The following MYOM2 variants were observed in gnomAD, a reference collection of about 807,000 sequenced individuals.
MYOM2 encodes myomesin-2.
A neutral mutation model predicts 187.6 loss-of-function variants in MYOM2; 254 were observed. That is an observed-to-expected ratio of 1.35 (90% CI 1.22 to 1.50). MYOM2 has a LOEUF of 1.50. Among genes scored for constraint, MYOM2 ranks in the 40% most tolerant of loss-of-function variants. The pLI is 0.00. For missense variants in MYOM2, 2,796 were observed against 1,924.0 expected (o/e 1.45, Z -8.48); for synonymous variants, 981 against 753.8 (o/e 1.30, Z -4.94).
At position 2,069,364 on chromosome 8, in the gene MYOM2, G is replaced by A. The variant is rs767506344; in HGVS notation, c.740G>A (p.Arg247Lys). 6.2e-7 allele frequency: 1 copy of A among 1,614,032 alleles called. No individual in the cohort carries two copies. The highest frequency in any genetic ancestry group is 2.2e-5 in the East Asian group (1 of 44,878). Residue 247 changes from arginine to lysine, a missense_variant and splice_region_variant, in exon 7 of 37, where the codon AGA becomes AAA. Physicochemically the swap from Arg to Lys is conservative, Grantham distance 26. Transcript: ENST00000262113. ...TCCACCAACGCGGCGGTGGTGGTGA[G>A]AAGTGAGTGCCGGGTGGGCTTTCAC... ...QVSTNAAVVV[R>K]RFRGDEEPFR...
In MYOM2 at chr8:2,084,337, C is replaced by T. The variant is rs541243902; in HGVS notation, c.1517-926C>T. The stretch of plus-strand genomic sequence containing the variant: ...GCGCTGTGCAACAGGGCTCAGGAAA[C>T]GAAACCCAGTCTTGCTTTGTACTAT... On this transcript the variant is annotated intron_variant, in intron 13 of 36. Transcript: ENST00000262113. Among the ~76,000 whole-genome samples, 35 of 152,312 alleles carry T rather than the reference C, an allele frequency of 2.3e-4. No homozygotes were observed. The South Asian group carries it at 2.5e-3, about 11-fold the overall frequency.
chr8:2,083,936 C>A (rs1819722054), intron 13 of MYOM2, among the ~76,000 whole-genome samples: 1 of 152,220 alleles, frequency 6.6e-6, no homozygotes. Context: ...GCAAAGGCAG[C>A]AAGACAGTTC....
chr8:2,112,006 G>A lies in MYOM2; in HGVS notation c.3180+2475G>A, dbSNP rs146702203. On this transcript the variant is annotated intron_variant, in intron 25 of 36. Transcript: ENST00000262113. ...GGAGTGGAGCAGACTTTATTCACAC[G>A]TAAACCCTGAATGTCAGATTCGATG... Among the ~76,000 whole-genome samples the A allele has an allele frequency of 1.6e-3, 238 of 152,268 alleles. 3 individuals are homozygous for A. The highest frequency in any genetic ancestry group is 5.5e-3 in the African/African-American group (227 of 41,550).
At chr8:2,052,068 G>C in intron 2 of MYOM2, 90 bp from the exon 3 acceptor site, 1 of 1,532,046 alleles carries the variant, frequency 6.5e-7, no homozygotes, top group Non-Finnish European at 9.0e-7. Context: ...CAGTGGTTTG[G>C]GGTGTGTAGA....
intron 14 of MYOM2, among the ~76,000 whole-genome samples, chr8:2,087,907 T>G (rs1204145236): frequency 6.6e-6 from 1 of 152,168 alleles, no homozygotes; most frequent in Admixed American, 6.5e-5. Context: ...GACACTTTAG[T>G]GTGTTTACAG....
intron 25 of MYOM2, among the ~76,000 whole-genome samples, chr8:2,112,875 G>T (rs1797113088): frequency 6.6e-6 from 1 of 152,236 alleles, no homozygotes; most frequent in Non-Finnish European, 1.5e-5. Context: ...CAAGGGCTGT[G>T]AGAGGAGTGT....
Position 2,092,372 on chromosome 8 carries a change from C to T in MYOM2, c.1855C>T (p.Leu619Phe). The T allele has an allele frequency of 6.2e-7, 1 of 1,614,128 alleles. No homozygotes were observed. The highest frequency in any genetic ancestry group is 1.1e-5 in the South Asian group (1 of 91,088). Residue 619 changes from leucine to phenylalanine, a missense_variant, in exon 16 of 37, where the codon CTT (leucine) becomes TTT (phenylalanine). By Grantham distance (22) the Leu-to-Phe change is conservative. Coordinates refer to ENST00000262113, the MANE Select transcript of MYOM2 (RefSeq NM_003970.4). ...TGTCCCTTCTGCTCCGGGTCGGGTT[C>T]TTGCTTCCCGAAACACCAAGACGTC... is the stretch of plus-strand genomic sequence containing the variant. ...TVVPSAPGRV[L>F]ASRNTKTSVV...
intron 9 of MYOM2, 107 bp from the exon 10 acceptor site, chr8:2,073,232 A>C: frequency 1.6e-6 from 2 of 1,263,208 alleles, no homozygotes; most frequent in Non-Finnish European, 2.2e-6. Flanking sequence ...CGTGGTGTCC[A>C]GCTCGACTGT....
chr8:2,056,011 G>A lies in MYOM2; in HGVS notation c.264-1337G>A, dbSNP rs1818652259. 2.0e-5 allele frequency among the ~76,000 whole-genome samples: 3 copies of A among 152,278 alleles called. No individual in the cohort carries two copies. In the South Asian group the frequency reaches 6.2e-4, roughly 32 times the overall value. ...TGCAGCTTCCTGTCCCTGCCACTCGGGAACGAACCTCCCCCAGCCTAACTT... is the reference window on the plus strand; with the variant it reads ...TGCAGCTTCCTGTCCCTGCCACTCGAGAACGAACCTCCCCCAGCCTAACTT... On this transcript the variant is annotated intron_variant, in intron 3 of 36. Transcript: ENST00000262113.
chr8:2,068,769 G>A (rs759363888), intron 6 of MYOM2, among the ~76,000 whole-genome samples: 4 of 152,250 alleles, frequency 2.6e-5, no homozygotes, highest in Admixed American at 6.5e-5. Context: ...GGACCCCCCC[G>A]CCATGGTTCA....
At chr8:2,052,049 T>C in intron 2 of MYOM2, 109 bp from the exon 3 acceptor site, 5 of 1,365,894 alleles carry the variant, frequency 3.7e-6, no homozygotes, top group Non-Finnish European at 5.1e-6. Context: ...GTGTGTGCTC[T>C]GCATATACCA....
At chr8:2,120,670 A>ATC (rs1369999962) in intron 28 of MYOM2, among the ~76,000 whole-genome samples, 1 of 18,656 alleles carries the variant, frequency 5.4e-5, no homozygotes. Context: ...ATATATATAT[A>ATC]TATATTATAT....
chr8:2,051,090 C>T (rs1048019266), intron 2 of MYOM2, among the ~76,000 whole-genome samples: 23 of 152,116 alleles, frequency 1.5e-4, no homozygotes, highest in African/African-American at 5.6e-4. Context: ...GAGTTCAGCT[C>T]CTGATCGAGG....
chr8:2,114,109 A>G (rs1420616747), intron 25 of MYOM2, among the ~76,000 whole-genome samples: 1 of 152,218 alleles, frequency 6.6e-6, no homozygotes, highest in Non-Finnish European at 1.5e-5. Flanking sequence ...GCCAGTCACA[A>G]GGGCTGCATT....
At position 2,144,924 on chromosome 8, in the gene MYOM2, G is replaced by C; in HGVS notation, c.4341G>C (p.Pro1447=). ...GGGAGAAGATCCCGGACATGGCCCCGCCCCAGCAAGCCAAGCCCAAGCTCA... is the reference window on the plus strand; with the variant it reads ...GGGAGAAGATCCCGGACATGGCCCCCCCCCAGCAAGCCAAGCCCAAGCTCA... ...KHGEKIPDMA[P]PQQAKPKLIP... Residue 1447 remains proline, a synonymous_variant, in exon 37 of 37, where the codon CCG becomes CCC. Coordinates refer to ENST00000262113, the MANE Select transcript of MYOM2 (RefSeq NM_003970.4). The C allele has an allele frequency of 6.2e-7, 1 of 1,614,090 alleles. No homozygotes were observed. The highest frequency in any genetic ancestry group is 8.5e-7 in the Non-Finnish European group (1 of 1,180,034).
rs375622113 is a variant in MYOM2 at position 2,111,480 on chromosome 8, G to C, written c.3180+1949G>C. ...TTTTTCTTACTCAGAGCCAGTTAAAGTAAGTTCCTATCATTCATTCTCTAC... is the reference window on the plus strand; with the variant it reads ...TTTTTCTTACTCAGAGCCAGTTAAACTAAGTTCCTATCATTCATTCTCTAC... On this transcript the variant is annotated intron_variant, in intron 25 of 36. Transcript: ENST00000262113. 4.6e-5 allele frequency among the ~76,000 whole-genome samples: 7 copies of C among 152,326 alleles called. No individual in the cohort carries two copies. In the East Asian group the frequency reaches 1.3e-3, roughly 29 times the overall value.
intron 19 of MYOM2, among the ~76,000 whole-genome samples, chr8:2,100,009 TTCC>T (rs1175246085): frequency 9.1e-6 from 1 of 110,434 alleles, no homozygotes; most frequent in African/African-American, 2.8e-5. Flanking sequence ...CCTTCCTTCC[TTCC>T]TTTCTTTCCT....
intron 28 of MYOM2, chr8:2,118,928 T>C (rs1797334936): frequency 6.6e-6 from 1 of 152,092 alleles, no homozygotes; most frequent in African/African-American, 2.4e-5. Flanking sequence ...AGGATACACA[T>C]CCAGCAGTTA....
rs149796743 is a variant in MYOM2 at position 2,123,617 on chromosome 8, G to A, written c.3630G>A (p.Val1210=). The change falls in exon 30 of 37, where the codon GTG becomes GTA. Residue 1210 remains valine (V), a synonymous_variant. Coordinates refer to ENST00000262113, the MANE Select transcript of MYOM2 (RefSeq NM_003970.4). ...ATLKDDRGQD[V]SILEIAGKVY... is the part of the protein sequence containing the mutation. ...TGAAAGATGACAGAGGCCAAGATGT[G>A]TCCATCCTTGAAATAGCTGGCAAAG... is the stretch of plus-strand genomic sequence containing the variant. The A allele has an allele frequency of 1.2e-6, 2 of 1,614,174 alleles. No homozygotes were observed. The highest frequency in any genetic ancestry group is 1.7e-5 in the Admixed American group (1 of 60,020).
Sources: allele counts gnomAD v4.1 joint callset (sites outside exome capture counted in the v4.1 genomes callset), GRCh38; gene constraint gnomAD v4.1.1; transcripts MANE v1.5; gene names NCBI Gene and HGNC (gene_info 2026-07-23, HGNC 2026-07-21).